NIPAL2: variants seen among roughly 807,000 people sequenced by gnomAD.
NIPAL2 encodes the protein NIPA like domain containing 2, also known as NIPA-like protein 2.
Under a neutral mutation model 48.9 loss-of-function variants are expected in NIPAL2, and 43 were observed. The ratio of observed to expected loss-of-function variants is 0.88; its 90% CI spans 0.69 to 1.13. The LOEUF is 1.13. Ranked by LOEUF, NIPAL2 falls within the 50% of genes most tolerant of loss-of-function variation. NIPAL2 has a pLI of 0.00. For synonymous variants in NIPAL2, 167 were observed against 174.6 expected (o/e 0.96, Z 0.34); for missense variants, 446 against 461.4 (o/e 0.97, Z 0.31).
At chr8:98,293,751 A>C (rs889662189) in intron 1 of NIPAL2, among the ~76,000 whole-genome samples, 3 of 152,212 alleles carry the variant, frequency 2.0e-5, no homozygotes, top group Non-Finnish European at 1.5e-5. Flanking sequence ...GGCTGAGGTC[A>C]AGGCCGAAGA....
At chr8:98,260,749 G>A (rs190508445) in intron 1 of NIPAL2, among the ~76,000 whole-genome samples, 24 of 152,224 alleles carry the variant, frequency 1.6e-4, no homozygotes, top group African/African-American at 3.6e-4. Context: ...CAAAGCAGCC[G>A]GGAAGCTCCA....
intron 4 of NIPAL2, among the ~76,000 whole-genome samples, chr8:98,233,786 C>G (rs977214094): frequency 6.6e-6 from 1 of 152,194 alleles, no homozygotes; most frequent in Non-Finnish European, 1.5e-5. Context: ...TTTTCCTAAG[C>G]CTTACAGGCA....
In NIPAL2 at chr8:98,259,070, CTTTTTTTT is replaced by C. The variant is rs869220202; in HGVS notation, c.136-4991_136-4984del. On this transcript the variant is annotated intron_variant, in intron 1 of 10. Transcript: ENST00000430223. ...TATGCTGCTGTTCCTTTAAATATTC[CTTTTTTTT>C]TTTTTTTTTTTTTTTTGAGACGGAG... Among the ~76,000 whole-genome samples the C allele has an allele frequency of 1.9e-4, 8 of 41,870 alleles. No individual in the cohort carries two copies. The East Asian group carries it at 3.5e-3, about 18-fold the overall frequency. 27.5% of individuals were successfully genotyped at this position (41,870 alleles called of 152,430 possible).
chr8:98,193,553 T>TC, intron 10 of NIPAL2: 1 of 800,452 alleles, frequency 1.2e-6, no homozygotes, highest in Non-Finnish European at 2.1e-6. Flanking sequence ...GTGCAGTGGC[T>TC]CACACCTATC....
At chr8:98,243,951 T>C (rs1009343350) in intron 3 of NIPAL2, among the ~76,000 whole-genome samples, 2 of 152,222 alleles carry the variant, frequency 1.3e-5, no homozygotes, top group African/African-American at 4.8e-5. Flanking sequence ...ACTGTTTCAA[T>C]GTTTAGGGCA....
intron 3 of NIPAL2, among the ~76,000 whole-genome samples, chr8:98,239,178 CAT>C (rs931201694): frequency 1.3e-4 from 20 of 152,140 alleles, no homozygotes; most frequent in Admixed American, 9.2e-4. Flanking sequence ...TAGTAGGAGA[CAT>C]AGACATAATC....
intron 8 of NIPAL2, among the ~76,000 whole-genome samples, chr8:98,199,558 A>G (rs1339080808): frequency 1.3e-5 from 2 of 152,180 alleles, no homozygotes; most frequent in Admixed American, 1.3e-4. Flanking sequence ...GAACACATAC[A>G]TTTATTGATA....
In NIPAL2 at chr8:98,252,491, G is replaced by A. The variant is rs1401231627; in HGVS notation, c.348C>T (p.Ile116=). 8.1e-6 allele frequency: 13 copies of A among 1,613,418 alleles called. No homozygotes were observed. The highest frequency in any genetic ancestry group is 1.1e-5 in the Non-Finnish European group (13 of 1,179,780). ...TAACAGACACACAGCCTAACGGAGC[G>A]ATCAGAGTAATGGGAGCAAATCCAT... ...AAYGFAPITL[I]APLGCVSVTG... The change falls in exon 3 of 11, where the codon ATC becomes ATT. Residue 116 remains isoleucine, a synonymous_variant. Coordinates refer to ENST00000430223, the MANE Select transcript of NIPAL2 (RefSeq NM_001321635.2).
Position 98,222,559 on chromosome 8 carries a change from A to T in NIPAL2, c.478T>A (p.Phe160Ile), listed in dbSNP as rs751015984. The T allele has an allele frequency of 1.2e-6, 2 of 1,614,064 alleles. No homozygotes were observed. The highest frequency in any genetic ancestry group is 2.2e-5 in the South Asian group (2 of 91,066). ...AFAGTYLLVN[F>I]APNITQAISA... Reference sequence around the variant, plus strand: ...ATTGCCTGAGTTATATTTGGAGCAAAGTTCACCAGTAAATATGTTCCTGCA... The same window carrying T: ...ATTGCCTGAGTTATATTTGGAGCAATGTTCACCAGTAAATATGTTCCTGCA... Residue 160 changes from phenylalanine to isoleucine, a missense_variant, in exon 5 of 11, where the codon TTT (phenylalanine) becomes ATT (isoleucine). Phe to Ile is a conservative substitution (Grantham distance 21). Transcript: ENST00000430223.
intron 4 of NIPAL2, among the ~76,000 whole-genome samples, chr8:98,231,419 C>A (rs573582368): frequency 5.3e-5 from 8 of 152,096 alleles, no homozygotes; most frequent in Non-Finnish European, 1.0e-4. Context: ...AGGAAATGGC[C>A]CTCCTCTCAC....
At chr8:98,250,334 C>G (rs185646464) in intron 3 of NIPAL2, among the ~76,000 whole-genome samples, 2,023 of 152,200 alleles carry the variant, frequency 0.013, 17 homozygotes, top group Non-Finnish European at 0.022. Flanking sequence ...TAAGAGACAT[C>G]TGGTTTATAC....
intron 10 of NIPAL2, among the ~76,000 whole-genome samples, chr8:98,193,828 T>G (rs1810414302): frequency 6.6e-6 from 1 of 152,046 alleles, no homozygotes; most frequent in African/African-American, 2.4e-5. Flanking sequence ...AGTCAAACTT[T>G]ATTTCCTATC....
chr8:98,247,911 G>A (rs900438307), intron 3 of NIPAL2, among the ~76,000 whole-genome samples: 8 of 152,266 alleles, frequency 5.3e-5, no homozygotes, highest in South Asian at 2.1e-4. Flanking sequence ...CCCAGAAAAC[G>A]TATCCTCAAA....
At chr8:98,224,071 T>C (rs2443579) in intron 4 of NIPAL2, among the ~76,000 whole-genome samples, 9,211 of 152,318 alleles carry the variant, frequency 0.06, 375 homozygotes, top group Middle Eastern at 0.13. Flanking sequence ...TTTCTAGTTA[T>C]ATCAAGCTCC....
At chr8:98,201,619 G>T (rs1468154861) in intron 8 of NIPAL2, among the ~76,000 whole-genome samples, 1 of 152,024 alleles carries the variant, frequency 6.6e-6, no homozygotes, top group East Asian at 1.9e-4. Flanking sequence ...CTTCCGATCA[G>T]GGCAACTATA....
intron 4 of NIPAL2, among the ~76,000 whole-genome samples, chr8:98,230,952 T>A (rs937037230): frequency 5.3e-5 from 8 of 152,184 alleles, no homozygotes; most frequent in African/African-American, 1.9e-4. Context: ...TGGAATCTGG[T>A]CTGACCTGAC....
At chr8:98,234,558 T>TC (rs1048790603) in intron 4 of NIPAL2, among the ~76,000 whole-genome samples, 2 of 152,134 alleles carry the variant, frequency 1.3e-5, no homozygotes, top group Non-Finnish European at 2.9e-5. Flanking sequence ...CATTTTTTTT[T>TC]CTTTTTGAGA....
At chr8:98,224,683 A>C (rs1812064709) in intron 4 of NIPAL2, among the ~76,000 whole-genome samples, 2 of 150,930 alleles carry the variant, frequency 1.3e-5, no homozygotes, top group East Asian at 3.9e-4. Flanking sequence ...GGTATATTTC[A>C]CTGCATTTCA....
intron 8 of NIPAL2, among the ~76,000 whole-genome samples, chr8:98,202,233 T>G (rs1023240257): frequency 6.6e-6 from 1 of 151,906 alleles, no homozygotes; most frequent in Non-Finnish European, 1.5e-5. Context: ...AGGCTTGCCC[T>G]GGAACATTGA....
Sources: gnomAD v4.1 joint callset for allele counts (sites outside exome capture counted in the v4.1 genomes callset) on GRCh38, gnomAD v4.1.1 for gene constraint, MANE v1.5 for transcripts, NCBI Gene and HGNC (gene_info 2026-07-23, HGNC 2026-07-21) for gene names.